ADCY5: variants seen among roughly 807,000 people sequenced by gnomAD.
The protein encoded by ADCY5 is adenylate cyclase type 5.
In ADCY5, 30 loss-of-function variants were observed where a neutral mutation model predicts 119.7. The observed-to-expected ratio is 0.25, with a 90% confidence interval of 0.19 to 0.34. The LOEUF (loss-of-function observed/expected upper bound fraction) is 0.34. Ranked by LOEUF, ADCY5 falls within the 10% of genes least tolerant of loss-of-function variation. The probability of loss-of-function intolerance (pLI) is 1.00; values close to 1 mark genes in which losing one functional copy is unlikely to be tolerated. For missense variants in ADCY5, 1,324 were observed against 1,775.2 expected, an observed-to-expected ratio of 0.75 and a Z score of 4.57; for synonymous variants, 753 against 762.2, an observed-to-expected ratio of 0.99 and a Z score of 0.20.
At chr3:123,443,042 C>A (rs1281791916) in intron 1 of ADCY5, among the ~76,000 whole-genome samples, 2 of 152,112 alleles carry the variant, frequency 1.3e-5, no homozygotes, top group Non-Finnish European at 2.9e-5. Context: ...GCAGACAATA[C>A]CCGGGCCTGT....
chr3:123,421,376 T>A (rs1447268693), intron 1 of ADCY5, among the ~76,000 whole-genome samples: 1 of 152,226 alleles, frequency 6.6e-6, no homozygotes, highest in African/African-American at 2.4e-5. Flanking sequence ...AGTACATGAA[T>A]GACAAACCCA....
chr3:123,372,627 C>T (rs1576634843), intron 1 of ADCY5, among the ~76,000 whole-genome samples: 1 of 152,278 alleles, frequency 6.6e-6, no homozygotes, highest in African/African-American at 2.4e-5. Context: ...ACATGCCTGC[C>T]TCCCACCCCT....
intron 1 of ADCY5, among the ~76,000 whole-genome samples, chr3:123,386,449 G>T (rs1001021063): frequency 6.6e-6 from 1 of 152,194 alleles, no homozygotes; most frequent in Non-Finnish European, 1.5e-5. Flanking sequence ...GGAAGGAACT[G>T]GGGTGCCCCC....
At chr3:123,412,637 T>A (rs1049445315) in intron 1 of ADCY5, among the ~76,000 whole-genome samples, 5 of 152,046 alleles carry the variant, frequency 3.3e-5, no homozygotes, top group African/African-American at 4.8e-5. Flanking sequence ...GGGGGTCTGG[T>A]GCAGAAGGAA....
chr3:123,377,576 A>C (rs1310059126), intron 1 of ADCY5, among the ~76,000 whole-genome samples: 1 of 152,188 alleles, frequency 6.6e-6, no homozygotes, highest in East Asian at 1.9e-4. Flanking sequence ...ATCAGTGTGC[A>C]ACTTCCCTGC....
intron 1 of ADCY5, among the ~76,000 whole-genome samples, chr3:123,375,373 T>C (rs1943789594): frequency 2.0e-5 from 3 of 152,222 alleles, no homozygotes; most frequent in South Asian, 4.1e-4. Flanking sequence ...TCAGGTCCTG[T>C]TGCCAGTAAT....
intron 8 of ADCY5, among the ~76,000 whole-genome samples, chr3:123,321,337 C>T (rs933574044): frequency 1.3e-5 from 2 of 152,138 alleles, no homozygotes; most frequent in South Asian, 2.1e-4. Flanking sequence ...TGTAAGGCCA[C>T]GGTTGTTTGG....
rs149988598 is a variant in ADCY5, at chr3:123,392,051, G to A, written c.1135-39470C>T. Among the ~76,000 whole-genome samples, 74 of 152,292 alleles carry A rather than the reference G, an allele frequency of 4.9e-4. 1 individual carries two copies. In the East Asian group the frequency reaches 0.012, roughly 25 times the overall value. ...TGCTGAAAGCCTGCCTGCTCTGGAC[G>A]AGCGCCTCCTCCTCACATCTAAAGC... On this transcript the variant is annotated intron_variant, in intron 1 of 20. Coordinates refer to ENST00000462833, the MANE Select transcript of ADCY5 (RefSeq NM_183357.3).
intron 1 of ADCY5, among the ~76,000 whole-genome samples, chr3:123,410,601 TA>T (rs1945020958): frequency 6.6e-6 from 1 of 151,860 alleles, no homozygotes; most frequent in South Asian, 2.1e-4. Context: ...GGACATAAAA[TA>T]AAGGCTCAAC....
intron 12 of ADCY5, among the ~76,000 whole-genome samples, chr3:123,306,249 A>G (rs1940191331): frequency 6.6e-6 from 1 of 152,234 alleles, no homozygotes; most frequent in Non-Finnish European, 1.5e-5. Flanking sequence ...TTATGGCCCA[A>G]TGATTTTGAC....
At chr3:123,443,974 C>G (rs982411227) in intron 1 of ADCY5, among the ~76,000 whole-genome samples, 2 of 152,188 alleles carry the variant, frequency 1.3e-5, no homozygotes, top group African/African-American at 4.8e-5. Flanking sequence ...CAGGGCACAA[C>G]GATACCTTCT....
intron 1 of ADCY5, chr3:123,368,149 A>G: frequency 5.5e-6 from 5 of 910,604 alleles, no homozygotes; most frequent in Non-Finnish European, 7.9e-6. Context: ...TGCAACCTAC[A>G]GGAATCTGAA....
intron 1 of ADCY5, among the ~76,000 whole-genome samples, chr3:123,356,522 T>A (rs1266259659): frequency 2.6e-5 from 4 of 152,194 alleles, no homozygotes; most frequent in African/African-American, 7.2e-5. Flanking sequence ...CAATTAAATA[T>A]TCATATGATA....
chr3:123,443,601 G>A (rs1320944384), intron 1 of ADCY5, among the ~76,000 whole-genome samples: 2 of 152,046 alleles, frequency 1.3e-5, no homozygotes, highest in African/African-American at 4.8e-5. Flanking sequence ...CCCACACAGC[G>A]CCTGTGCCTT....
chr3:123,314,404 G>A (rs1576558982), intron 11 of ADCY5, 82 bp from the exon 12 acceptor site: 2 of 1,115,102 alleles, frequency 1.8e-6, no homozygotes, highest in East Asian at 2.5e-5. Flanking sequence ...TGGCAAGCAG[G>A]CCACAGGTCC....
rs921835491 is a variant in ADCY5, at chr3:123,389,492, C to T, written c.1135-36911G>A. The stretch of plus-strand genomic sequence containing the variant: ...GGTCCATTTGTACAGGGAGAGTTTT[C>T]GCAAAAGAGAGCTAAGCACCCCCAC... On this transcript the variant is annotated intron_variant, in intron 1 of 20. Transcript: ENST00000462833. Among the ~76,000 whole-genome samples, 7 of 147,082 alleles carry T rather than the reference C, an allele frequency of 4.8e-5. No individual in the cohort carries two copies. In the East Asian group the frequency reaches 1.1e-3, roughly 24 times the overall value.
chr3:123,336,532 G>A (rs1942033968), intron 3 of ADCY5, among the ~76,000 whole-genome samples: 1 of 152,214 alleles, frequency 6.6e-6, no homozygotes, highest in Non-Finnish European at 1.5e-5. Flanking sequence ...ATGCCCCCGG[G>A]GTAGGAAGGA....
chr3:123,316,743 T>G (rs955817224), intron 11 of ADCY5, among the ~76,000 whole-genome samples: 1 of 152,174 alleles, frequency 6.6e-6, no homozygotes, highest in Non-Finnish European at 1.5e-5. Flanking sequence ...CAATATGGAC[T>G]GGGTAGTAGA....
intron 3 of ADCY5, among the ~76,000 whole-genome samples, chr3:123,337,802 G>T (rs1174691386): frequency 1.3e-5 from 2 of 152,180 alleles, no homozygotes; most frequent in African/African-American, 4.8e-5. Context: ...TCTTTTAGGG[G>T]GATAAAATTC....
Sources: gnomAD v4.1 joint callset for allele counts (sites outside exome capture counted in the v4.1 genomes callset) on GRCh38, gnomAD v4.1.1 for gene constraint, MANE v1.5 for transcripts, NCBI Gene and HGNC (gene_info 2026-07-23, HGNC 2026-07-21) for gene names.